The following SYT14 variants were observed in gnomAD, a reference collection of about 807,000 sequenced individuals.
SYT14 encodes the protein synaptotagmin-14.
A neutral mutation model predicts 74.2 loss-of-function variants in SYT14; 32 were observed. That is an observed-to-expected ratio of 0.43 (90% confidence interval 0.33 to 0.58). SYT14 has a LOEUF of 0.58. Among genes scored for constraint, SYT14 ranks in the 20% least tolerant of loss-of-function variants. SYT14 has a pLI of 0.05. For missense variants in SYT14, 791 were observed against 981.8 expected, an observed-to-expected ratio of 0.81 and a Z score of 2.60; for synonymous variants, 298 against 337.7, an observed-to-expected ratio of 0.88 and a Z score of 1.29.
chr1:210,164,008 T>C, exon 10 of SYT14: 1 of 453,292 alleles, frequency 2.2e-6, no homozygotes, highest in South Asian at 1.6e-5. Flanking sequence ...CTGGCATTTA[T>C]GGGAGCCTCT....
chr1:210,098,041 C>T (rs892308553), intron 6 of SYT14, among the ~76,000 whole-genome samples: 6 of 151,914 alleles, frequency 3.9e-5, no homozygotes, highest in South Asian at 2.1e-4. Flanking sequence ...CAGGTGTGGT[C>T]GTGTATGCCT....
chr1:209,962,184 A>G (rs1435693675), intron 2 of SYT14, among the ~76,000 whole-genome samples: 1 of 151,970 alleles, frequency 6.6e-6, no homozygotes, highest in East Asian at 1.9e-4. Context: ...TTTAGTTTTA[A>G]TTATTTTAAA....
At chr1:210,169,665 T>A (rs2083501704) in exon 10 of SYT14, 1 of 152,146 alleles carries the variant, frequency 6.6e-6, no homozygotes. Context: ...TTGGAAGAGA[T>A]GGCCAGCCTT....
intron 6 of SYT14, among the ~76,000 whole-genome samples, chr1:210,097,872 T>G (rs566022628): frequency 1.3e-5 from 2 of 152,138 alleles, no homozygotes; most frequent in African/African-American, 4.8e-5. Context: ...AACTAGCATA[T>G]AAGATTTATA....
At chr1:210,168,531 A>G (rs998286947) in exon 10 of SYT14, 2 of 152,238 alleles carry the variant, frequency 1.3e-5, no homozygotes, top group African/African-American at 4.8e-5. Context: ...TAGATAAAAT[A>G]TAATACTCCG....
intron 5 of SYT14, among the ~76,000 whole-genome samples, chr1:210,026,633 C>CAT (rs2080418466): frequency 6.6e-6 from 1 of 150,948 alleles, no homozygotes; most frequent in African/African-American, 2.4e-5. Flanking sequence ...CACACACACA[C>CAT]ACACACACAC....
At chr1:210,067,999 C>T (rs1326839256) in intron 5 of SYT14, among the ~76,000 whole-genome samples, 1 of 151,844 alleles carries the variant, frequency 6.6e-6, no homozygotes, top group Admixed American at 6.6e-5. Flanking sequence ...ATGTTTAATA[C>T]CAGTGAATAT....
At chr1:210,017,602 C>T (rs1044520461) in intron 4 of SYT14, among the ~76,000 whole-genome samples, 9 of 151,984 alleles carry the variant, frequency 5.9e-5, no homozygotes, top group East Asian at 5.8e-4. Flanking sequence ...TTATTCATTT[C>T]GCCCATACAT....
chr1:210,063,676 A>G (rs985518892), intron 5 of SYT14, among the ~76,000 whole-genome samples: 1 of 151,788 alleles, frequency 6.6e-6, no homozygotes, highest in Non-Finnish European at 1.5e-5. Flanking sequence ...TCTACGTTGT[A>G]TTCTAGAGGC....
exon 10 of SYT14, chr1:210,170,639 T>C (rs1231618878): frequency 6.6e-6 from 1 of 152,168 alleles, no homozygotes. Context: ...AACATCTGAC[T>C]TCATTGATGA....
intron 7 of SYT14, among the ~76,000 whole-genome samples, chr1:210,138,279 T>C (rs999176339): frequency 1.3e-5 from 2 of 152,170 alleles, no homozygotes; most frequent in African/African-American, 4.8e-5. Context: ...CTGCCCTTTA[T>C]AAAACCATCA....
rs141244481 is a variant in SYT14 at position 210,047,616 on chromosome 1, C to G, written c.1312+26362C>G. Among the ~76,000 whole-genome samples the G allele has an allele frequency of 2.3e-3, 349 of 152,248 alleles. 1 individual carries two copies. The highest frequency in any genetic ancestry group is 8.1e-3 in the African/African-American group (337 of 41,538). ...GTTTCACCATGTTGGCCAGGCTGGT[C>G]TCAAACTCCTGACCTCGTGATCTGC... On this transcript the variant is annotated intron_variant, in intron 5 of 9. Coordinates refer to ENST00000637265, the Ensembl canonical transcript of SYT14.
Position 210,121,667 on chromosome 1 carries a change from G to A in SYT14, c.2034+21206G>A, listed in dbSNP as rs374109092. Among the ~76,000 whole-genome samples, 1,434 of 151,762 alleles carry A rather than the reference G, an allele frequency of 9.4e-3. 22 individuals are homozygous for A. The highest frequency in any genetic ancestry group is 0.031 in the East Asian group (158 of 5,132). ...AAATTAGCCAGGCGTGGTGGCGGGC[G>A]CCTGTAGTCCCAGCTACTCGGGAGG... On this transcript the variant is annotated intron_variant, in intron 7 of 9. Transcript: ENST00000637265.
intron 2 of SYT14, among the ~76,000 whole-genome samples, chr1:209,964,456 C>T (rs915156724): frequency 2.6e-5 from 4 of 152,108 alleles, no homozygotes; most frequent in Non-Finnish European, 4.4e-5. Flanking sequence ...ACCACTATTA[C>T]ACTGCTTTTA....
intron 7 of SYT14, among the ~76,000 whole-genome samples, chr1:210,126,703 G>C (rs74156294): frequency 2.6e-5 from 4 of 152,062 alleles, no homozygotes; most frequent in African/African-American, 9.7e-5. Flanking sequence ...TTTCATCATC[G>C]GTACTGGTAT....
intron 5 of SYT14, among the ~76,000 whole-genome samples, chr1:210,079,356 G>A (rs1170605162): frequency 6.6e-6 from 1 of 151,890 alleles, no homozygotes; most frequent in Non-Finnish European, 1.5e-5. Context: ...TTATATCCAT[G>A]TGACAAACCT....
chr1:210,023,010 A>C (rs575650622), intron 5 of SYT14, among the ~76,000 whole-genome samples: 2 of 152,054 alleles, frequency 1.3e-5, no homozygotes, highest in African/African-American at 2.4e-5. Context: ...CAAGTGGTCC[A>C]AGTGCCCCAG....
At chr1:210,124,813 C>T (rs1242959102) in intron 7 of SYT14, among the ~76,000 whole-genome samples, 1 of 151,742 alleles carries the variant, frequency 6.6e-6, no homozygotes, top group Non-Finnish European at 1.5e-5. Context: ...CACTGTGTTA[C>T]ATTTGATTGC....
At chr1:210,131,382 A>G (rs2102640162) in intron 7 of SYT14, among the ~76,000 whole-genome samples, 1 of 152,250 alleles carries the variant, frequency 6.6e-6, no homozygotes, top group South Asian at 2.1e-4. Flanking sequence ...TCTTATTAAT[A>G]TATGTAGAAC....
Sources: gnomAD v4.1 joint callset for allele counts (sites outside exome capture counted in the v4.1 genomes callset) on GRCh38, gnomAD v4.1.1 for gene constraint, MANE v1.5 for transcripts, NCBI Gene and HGNC (gene_info 2026-07-23, HGNC 2026-07-21) for gene names.